TENM3: variants seen among roughly 807,000 people sequenced by gnomAD.
TENM3 encodes the protein teneurin-3.
A neutral mutation model predicts 255.1 loss-of-function variants in TENM3; 63 were observed. The ratio of observed to expected loss-of-function variants is 0.25; its 90% CI spans 0.20 to 0.30. The LOEUF is 0.30. Ranked by LOEUF, TENM3 falls within the 10% of genes least tolerant of loss-of-function variation. TENM3 has a pLI of 1.00. For synonymous variants in TENM3, 1,306 were observed against 1,322.3 expected (o/e 0.99, Z 0.27); for missense variants, 2,929 against 3,461.1 (o/e 0.85, Z 3.86).
At position 182,670,323 on chromosome 4, in the gene TENM3, T is replaced by A. The variant is rs1755096290; in HGVS notation, c.1112-2682T>A. Among the ~76,000 whole-genome samples the A allele has an allele frequency of 2.0e-5, 3 of 152,144 alleles. No homozygotes were observed. The South Asian group carries it at 6.2e-4, about 31-fold the overall frequency. ...CCTTAGATCCTTTTATATTACTGAATTGGTTCAAGAAAAATAGACCTGATA... is the reference window on the plus strand; with the variant it reads ...CCTTAGATCCTTTTATATTACTGAAATGGTTCAAGAAAAATAGACCTGATA... On this transcript the variant is annotated intron_variant, in intron 6 of 27. Transcript: ENST00000511685.
chr4:182,754,032 T>G lies in TENM3; in HGVS notation c.4018-353T>G, dbSNP rs1428386381. 6.6e-6 allele frequency among the ~76,000 whole-genome samples: 1 copy of G among 152,204 alleles called. No homozygotes were observed. Among genetic ancestry groups the G allele is most frequent in the East Asian group, 1.9e-4 (1 of 5,200 alleles). ...CCTGATTGAAAACACAATAGAATAC[T>G]AATCTATTCATAACCTAGAAAGCCC... is the stretch of plus-strand genomic sequence containing the variant. On this transcript the variant is annotated intron_variant, in intron 21 of 27. Coordinates refer to ENST00000511685, the MANE Select transcript of TENM3 (RefSeq NM_001080477.4). The surrounding 1 kb of genome is among the most constrained non-coding windows in gnomAD (Gnocchi z 5.1).
chr4:181,921,462 T>G, the TENM3 span, among the ~76,000 whole-genome samples: 6 of 152,336 alleles, frequency 3.9e-5, no homozygotes, highest in South Asian at 2.1e-4. Context: ...CCCTTGTAAG[T>G]TGGATTCCTA....
At chr4:182,133,622 T>C in the TENM3 span, among the ~76,000 whole-genome samples, 1 of 152,182 alleles carries the variant, frequency 6.6e-6, no homozygotes, top group African/African-American at 2.4e-5. Context: ...CCATCTCAGT[T>C]TATAACATTT....
At chr4:182,336,907 A>T (rs999345553) in intron 2 of TENM3, among the ~76,000 whole-genome samples, 4 of 136,940 alleles carry the variant, frequency 2.9e-5, no homozygotes, top group Non-Finnish European at 6.1e-5. Flanking sequence ...GCATAAACTG[A>T]TATGGTTGGG....
At chr4:182,592,128 C>CTT (rs77448760) in intron 3 of TENM3, among the ~76,000 whole-genome samples, 15 of 137,644 alleles carry the variant, frequency 1.1e-4, no homozygotes, top group Middle Eastern at 3.8e-3. Context: ...TTCTTTTCTT[C>CTT]TTTTTTTTTT....
At chr4:182,283,590 G>C (rs1760537597) in intron 1 of TENM3, among the ~76,000 whole-genome samples, 1 of 152,200 alleles carries the variant, frequency 6.6e-6, no homozygotes, top group Non-Finnish European at 1.5e-5. Context: ...GAGCTCATCT[G>C]TAGAGTTTCC....
At chr4:182,189,556 C>T (rs1457244324) in intron 1 of TENM3, among the ~76,000 whole-genome samples, 3 of 152,144 alleles carry the variant, frequency 2.0e-5, no homozygotes, top group African/African-American at 4.8e-5. Flanking sequence ...TGATGTGGGG[C>T]GCGGCACAAA....
Position 182,789,783 on chromosome 4 carries a change from G to C in TENM3, c.5601+394G>C, listed in dbSNP as rs1765957680. On this transcript the variant is annotated intron_variant, in intron 25 of 27. Transcript: ENST00000511685. The surrounding 1 kb of genome is among the most constrained non-coding windows in gnomAD (Gnocchi z 4.4). ...TAGCACAGTTAAAGCTGTCAGCTTT[G>C]TGTTATTCCTGGCAGAGCTTCAACA... is the stretch of plus-strand genomic sequence containing the variant. 6.6e-6 allele frequency among the ~76,000 whole-genome samples: 1 copy of C among 152,222 alleles called. No homozygotes were observed. Among genetic ancestry groups the C allele is most frequent in the African/African-American group, 2.4e-5 (1 of 41,456 alleles).
chr4:182,134,259 T>C, the TENM3 span, among the ~76,000 whole-genome samples: 2 of 152,290 alleles, frequency 1.3e-5, no homozygotes, highest in East Asian at 3.9e-4. Flanking sequence ...CACTGTAAAC[T>C]CTTGAGGCAA....
chr4:182,602,710 A>T (rs551260779), intron 4 of TENM3, among the ~76,000 whole-genome samples: 1 of 152,324 alleles, frequency 6.6e-6, no homozygotes, highest in Admixed American at 6.5e-5. Context: ...AGACACAGTC[A>T]TGTATACGGA....
At chr4:182,177,958 G>GTTTTT (rs56256529) in intron 1 of TENM3, among the ~76,000 whole-genome samples, 1 of 117,128 alleles carries the variant, frequency 8.5e-6, no homozygotes, top group African/African-American at 3.1e-5. Context: ...TTTGGTTTTT[G>GTTTTT]TTTTTTTTTT....
chr4:182,243,266 C>A (rs1268052006), upstream of TENM3, among the ~76,000 whole-genome samples: 1 of 152,164 alleles, frequency 6.6e-6, no homozygotes, highest in Non-Finnish European at 1.5e-5. Flanking sequence ...AGGCATGCAC[C>A]ACCACGCCCA....
At chr4:182,546,609 T>C (rs1447590182) in intron 3 of TENM3, among the ~76,000 whole-genome samples, 1 of 151,716 alleles carries the variant, frequency 6.6e-6, no homozygotes, top group Non-Finnish European at 1.5e-5. Flanking sequence ...CTGACATTTA[T>C]CTTTTTATCT....
chr4:182,160,205 T>C (rs957159499), intron 1 of TENM3, among the ~76,000 whole-genome samples: 10 of 151,532 alleles, frequency 6.6e-5, no homozygotes, highest in African/African-American at 2.4e-4. Flanking sequence ...GGTTTCACCG[T>C]GTTAGCCAGG....
At chr4:181,583,531 T>C in the TENM3 span, among the ~76,000 whole-genome samples, 3 of 152,162 alleles carry the variant, frequency 2.0e-5, no homozygotes, top group Non-Finnish European at 4.4e-5. Flanking sequence ...AAACCGCCCT[T>C]GAAAATAACA....
At chr4:182,490,536 A>G (rs2151580087) in intron 3 of TENM3, among the ~76,000 whole-genome samples, 1 of 152,274 alleles carries the variant, frequency 6.6e-6, no homozygotes, top group South Asian at 2.1e-4. Flanking sequence ...TAGTGCGTGC[A>G]TACAGATGTC....
chr4:181,888,619 GAAA>G, the TENM3 span, among the ~76,000 whole-genome samples: 11 of 28,376 alleles, frequency 3.9e-4, no homozygotes, highest in East Asian at 3.5e-3. Context: ...TGTGTGTGTG[GAAA>G]GAGAGAGAGA....
At chr4:182,366,596 A>C (rs1236869505) in intron 3 of TENM3, among the ~76,000 whole-genome samples, 1 of 152,186 alleles carries the variant, frequency 6.6e-6, no homozygotes, top group African/African-American at 2.4e-5. Flanking sequence ...CAGCAATGAG[A>C]CATCAATAAA....
chr4:182,455,439 C>T (rs184701256), intron 3 of TENM3, among the ~76,000 whole-genome samples: 390 of 152,200 alleles, frequency 2.6e-3, no homozygotes, highest in African/African-American at 9.0e-3. Flanking sequence ...CCATACCTCA[C>T]CCTCTACTGC....
Sources: gnomAD v4.1 joint callset for allele counts (sites outside exome capture counted in the v4.1 genomes callset) on GRCh38, gnomAD v4.1.1 for gene constraint, Gnocchi (gnomAD v3.1) non-coding constraint, MANE v1.5 for transcripts, NCBI Gene and HGNC (gene_info 2026-07-23, HGNC 2026-07-21) for gene names.